Variants in NEK7 observed in about 807,000 individuals in gnomAD.
NEK7 encodes NIMA related kinase 7.
Under a neutral mutation model 44.6 loss-of-function variants are expected in NEK7, and 18 were observed. The observed-to-expected ratio is 0.40, with a 90% confidence interval of 0.28 to 0.60. The LOEUF (loss-of-function observed/expected upper bound fraction) is 0.60. NEK7 is among the 20% of genes least tolerant of loss of function. The probability of loss-of-function intolerance (pLI) is 0.38; values close to 1 mark genes in which losing one functional copy is unlikely to be tolerated. For missense variants in NEK7, 256 were observed against 366.5 expected, an observed-to-expected ratio of 0.70 and a Z score of 2.46; for synonymous variants, 130 against 121.1, an observed-to-expected ratio of 1.07 and a Z score of -0.48.
At chr1:198,226,732 T>A (rs201120798) in intron 1 of NEK7, among the ~76,000 whole-genome samples, 50,880 of 151,704 alleles carry the variant, frequency 0.34, 9,736 homozygotes, top group East Asian at 0.8. Flanking sequence ...GGAGTCCTTC[T>A]AACAATCTCT....
intron 2 of NEK7, among the ~76,000 whole-genome samples, chr1:198,248,381 C>G (rs1666894609): frequency 6.6e-6 from 1 of 152,116 alleles, no homozygotes; most frequent in African/African-American, 2.4e-5. Context: ...AATAAAAGAA[C>G]TAGGACAATC....
chr1:198,259,393 T>A (rs1483484472), intron 3 of NEK7, among the ~76,000 whole-genome samples: 1 of 152,162 alleles, frequency 6.6e-6, no homozygotes, highest in Non-Finnish European at 1.5e-5. Context: ...TCATTTTAAT[T>A]ACTGGTACTA....
At chr1:198,315,409 G>A (rs1206239228) in intron 9 of NEK7, among the ~76,000 whole-genome samples, 2 of 152,316 alleles carry the variant, frequency 1.3e-5, no homozygotes, top group Admixed American at 1.3e-4. Flanking sequence ...CGTCGCTTAC[G>A]CTGGGAGCTG....
chr1:198,228,915 G>A (rs942177430), intron 1 of NEK7, among the ~76,000 whole-genome samples: 1 of 152,184 alleles, frequency 6.6e-6, no homozygotes, highest in Non-Finnish European at 1.5e-5. Context: ...TGGAATAGGA[G>A]TGGTGAGAGA....
At chr1:198,226,493 C>T (rs1265264302) in intron 1 of NEK7, among the ~76,000 whole-genome samples, 3 of 150,462 alleles carry the variant, frequency 2.0e-5, no homozygotes, top group Non-Finnish European at 3.0e-5. Context: ...TGCAGTGAGC[C>T]GAGATCACAC....
At chr1:198,247,863 T>C (rs1038002497) in intron 2 of NEK7, among the ~76,000 whole-genome samples, 3 of 152,244 alleles carry the variant, frequency 2.0e-5, no homozygotes, top group African/African-American at 7.2e-5. Context: ...GTTGCCCGTA[T>C]ATCAAAATAG....
intron 9 of NEK7, among the ~76,000 whole-genome samples, chr1:198,300,001 A>G (rs1483854695): frequency 1.3e-5 from 2 of 152,182 alleles, no homozygotes; most frequent in African/African-American, 2.4e-5. Context: ...ACAAATAATT[A>G]GGGTTCTGGA....
At chr1:198,313,743 T>C (rs1330486575) in intron 9 of NEK7, among the ~76,000 whole-genome samples, 3 of 105,728 alleles carry the variant, frequency 2.8e-5, no homozygotes, top group African/African-American at 1.6e-4. Context: ...AAAATTCTTT[T>C]CTTTAAGAAT....
chr1:198,321,556 A>G lies in NEK7; in HGVS notation c.*2034A>G, dbSNP rs1380778347. 6.6e-6 allele frequency: 1 copy of G among 152,150 alleles called. No individual in the cohort carries two copies. The highest frequency in any genetic ancestry group is 1.5e-5 in the Non-Finnish European group (1 of 67,986). The allele number at this position is 152,150 out of a possible 1,614,324, so 9.4% of individuals were successfully genotyped here. ...TGACCCCTCAAAGTAACTTTTAAGT[A>G]AAGATTAAAGCTTTTCTTCTCAGTG... On this transcript the variant is annotated 3_prime_UTR_variant, in exon 10 of 10. Coordinates refer to ENST00000367385, the MANE Select transcript of NEK7 (RefSeq NM_133494.3).
rs924800469 is a variant in NEK7, at chr1:198,277,545, T to A, written c.373-416T>A. On this transcript the variant is annotated intron_variant, in intron 5 of 9. Transcript: ENST00000367385. The stretch of plus-strand genomic sequence containing the variant: ...TTCAAATCACCAGGGTGGTTCAATA[T>A]TTAAAAGGAATTCTGTAGTGAAACC... Among the ~76,000 whole-genome samples, 21 of 152,020 alleles carry A rather than the reference T, an allele frequency of 1.4e-4. No homozygotes were observed. In the South Asian group the frequency reaches 1.7e-3, roughly 12 times the overall value.
chr1:198,278,040 A>T lies in NEK7; in HGVS notation c.452A>T (p.His151Leu). The T allele has an allele frequency of 6.3e-7, 1 of 1,587,300 alleles. No individual in the cohort carries two copies. Among genetic ancestry groups the T allele is most frequent in the Non-Finnish European group, 8.6e-7 (1 of 1,156,690 alleles). Reference sequence around the variant, plus strand: ...GTTCAGCTTTGCAGTGCATTGGAACACATGCATTCTCGAAGAGTCATGCAT... The same window carrying T: ...GTTCAGCTTTGCAGTGCATTGGAACTCATGCATTCTCGAAGAGTCATGCAT... ...YFVQLCSALEHMHSRRVMHRD... is the reference protein window; with the variant it reads ...YFVQLCSALELMHSRRVMHRD... Residue 151 changes from histidine to leucine, a missense_variant, in exon 6 of 10, where the codon CAC becomes CTC. His to Leu is a moderately conservative substitution (Grantham distance 99, BLOSUM62 -3). Coordinates refer to ENST00000367385, the MANE Select transcript of NEK7 (RefSeq NM_133494.3).
intron 2 of NEK7, among the ~76,000 whole-genome samples, chr1:198,238,630 A>G (rs1366586469): frequency 1.3e-5 from 2 of 152,184 alleles, no homozygotes; most frequent in African/African-American, 4.8e-5. Flanking sequence ...AACATAAACC[A>G]TATAAGGCAT....
chr1:198,270,417 G>A (rs990752921), intron 5 of NEK7, among the ~76,000 whole-genome samples: 2 of 151,974 alleles, frequency 1.3e-5, no homozygotes, highest in Admixed American at 1.3e-4. Context: ...TTTGTTATCT[G>A]CCAAGAGAAT....
intron 8 of NEK7, among the ~76,000 whole-genome samples, chr1:198,296,666 T>C (rs1654724437): frequency 6.6e-6 from 1 of 152,202 alleles, no homozygotes; most frequent in Non-Finnish European, 1.5e-5. Context: ...TCAGAAACTA[T>C]TATGCAAGAG....
chr1:198,217,996 A>G (rs1665973477), intron 1 of NEK7, among the ~76,000 whole-genome samples: 1 of 151,896 alleles, frequency 6.6e-6, no homozygotes, highest in African/African-American at 2.4e-5. Context: ...TGTGAAAATG[A>G]CCATACTGCC....
chr1:198,211,646 T>G (rs922994449), intron 1 of NEK7, among the ~76,000 whole-genome samples: 1 of 152,208 alleles, frequency 6.6e-6, no homozygotes, highest in African/African-American at 2.4e-5. Context: ...GAACAGTGAT[T>G]GAAGAATTTG....
intron 1 of NEK7, among the ~76,000 whole-genome samples, chr1:198,174,746 G>A (rs574679568): frequency 6.6e-6 from 1 of 151,296 alleles, no homozygotes; most frequent in African/African-American, 2.4e-5. Context: ...GTTTTTTTTT[G>A]TTTTTGTTTT....
chr1:198,231,338 A>ATATAT (rs1399954083), intron 1 of NEK7, among the ~76,000 whole-genome samples: 103 of 112,588 alleles, frequency 9.1e-4, no homozygotes, highest in Non-Finnish European at 1.3e-3. Context: ...TATATATATA[A>ATATAT]AAACACATGA....
In NEK7 at chr1:198,186,552, T is replaced by C. The variant is rs527571172; in HGVS notation, c.-29+29276T>C. 2.0e-5 allele frequency among the ~76,000 whole-genome samples: 3 copies of C among 152,278 alleles called. No individual in the cohort carries two copies. The South Asian group carries it at 6.2e-4, about 32-fold the overall frequency. On this transcript the variant is annotated intron_variant, in intron 1 of 9. Coordinates refer to ENST00000367385, the MANE Select transcript of NEK7 (RefSeq NM_133494.3). ...TCAAAGATACAGGATGGCTGGTGCATTTGTTGTTTGGCATACTTGGTAAGG... is the reference window on the plus strand; with the variant it reads ...TCAAAGATACAGGATGGCTGGTGCACTTGTTGTTTGGCATACTTGGTAAGG...
Sources: gnomAD v4.1 joint callset for allele counts (sites outside exome capture counted in the v4.1 genomes callset) on GRCh38, gnomAD v4.1.1 for gene constraint, MANE v1.5 for transcripts, NCBI Gene and HGNC (gene_info 2026-07-23, HGNC 2026-07-21) for gene names.